VWF: variants seen among roughly 807,000 people sequenced by gnomAD.
VWF encodes the protein Factor VIII related antigen.
In VWF, 176 loss-of-function variants were observed where a neutral mutation model predicts 308.6. The observed-to-expected ratio is 0.57, with a 90% CI of 0.50 to 0.65. The LOEUF (loss-of-function observed/expected upper bound fraction) is 0.65, where lower values mean the gene tolerates loss of function less well. VWF is among the 30% of genes least tolerant of loss of function. The pLI, the probability that VWF is intolerant of heterozygous loss-of-function variation, is 0.00. For missense variants in VWF, 3,146 were observed against 3,648.2 expected (o/e 0.86, Z 3.55); for synonymous variants, 1,385 against 1,443.4 (o/e 0.96, Z 0.92).
chr12:6,096,687 T>G (rs560114152), intron 5 of VWF, among the ~76,000 whole-genome samples: 4 of 152,354 alleles, frequency 2.6e-5, no homozygotes, highest in African/African-American at 9.6e-5. Flanking sequence ...GCTTTAGTAC[T>G]TATAGTGCTC....
rs1197910298 is a variant in VWF at position 6,110,907 on chromosome 12, G to A, written c.282C>T (p.Ile94=). ...TCACGGTACCATTGACAAACAAATG[G>A]ATGTCAAAAAATTCCCCAAGATACA... is the stretch of plus-strand genomic sequence containing the variant. ...LSVYLGEFFD[I]HLFVNGTVTQ... is the part of the protein sequence containing the mutation. Residue 94 remains isoleucine (I), a synonymous_variant, in exon 4 of 52, where the codon ATC becomes ATT. Coordinates refer to ENST00000261405, the MANE Select transcript of VWF (RefSeq NM_000552.5). 6.2e-7 allele frequency: 1 copy of A among 1,614,086 alleles called. No homozygotes were observed.
chr12:5,976,001 G>A, intron 43 of VWF, 110 bp downstream of exon 43: 5 of 1,463,870 alleles, frequency 3.4e-6, no homozygotes, highest in Admixed American at 1.9e-5. Context: ...GGGCGACAGA[G>A]CGAGTCTCCA....
intron 40 of VWF, among the ~76,000 whole-genome samples, chr12:5,983,702 T>G (rs1340372127): frequency 6.6e-6 from 1 of 151,308 alleles, no homozygotes; most frequent in African/African-American, 2.4e-5. Context: ...TAGATAGAGA[T>G]AGGATAGATT....
At chr12:6,104,910 C>T (rs1303410153) in intron 5 of VWF, among the ~76,000 whole-genome samples, 1 of 152,158 alleles carries the variant, frequency 6.6e-6, no homozygotes, top group Non-Finnish European at 1.5e-5. Context: ...CAATGGAAGA[C>T]TATTTGGCCA....
intron 40 of VWF, among the ~76,000 whole-genome samples, chr12:5,984,155 CTACCT>C (rs1294982998): frequency 5.3e-5 from 8 of 152,214 alleles, no homozygotes; most frequent in African/African-American, 1.9e-4. Context: ...GGTGGGAACT[CTACCT>C]TATAGGATCA....
intron 3 of VWF, among the ~76,000 whole-genome samples, chr12:6,119,142 G>A (rs1241567968): frequency 2.0e-5 from 3 of 152,136 alleles, no homozygotes; most frequent in Admixed American, 6.5e-5. Context: ...CTGCGGAATC[G>A]ACTCAAAGTC....
Position 6,089,247 on chromosome 12 carries a change from G to GA in VWF, c.657+6212dup, listed in dbSNP as rs556524285. On this transcript the variant is annotated intron_variant, in intron 6 of 51. Transcript: ENST00000261405. Reference sequence around the variant, plus strand: ...CGAGTCATTGTGCTTCCGAGCCAGTGAAAAAACCTCGGTTGTGGGCAAACA... The same window carrying GA: ...CGAGTCATTGTGCTTCCGAGCCAGTGAAAAAAACCTCGGTTGTGGGCAAACA... Among the ~76,000 whole-genome samples, 63 of 152,314 alleles carry GA rather than the reference G, an allele frequency of 4.1e-4. No individual in the cohort carries two copies. In the South Asian group the frequency reaches 6.0e-3, roughly 15 times the overall value.
In VWF at chr12:6,029,481, A is replaced by C; in HGVS notation, c.2828T>G (p.Val943Gly). The C allele has an allele frequency of 6.2e-7, 1 of 1,614,154 alleles. No homozygotes were observed. Among genetic ancestry groups the C allele is most frequent in the Non-Finnish European group, 8.5e-7 (1 of 1,180,024 alleles). Residue 943 changes from valine (V) to glycine (G), a missense_variant, in exon 22 of 52, where the codon GTG (valine) becomes GGG (glycine). Coordinates refer to ENST00000261405, the MANE Select transcript of VWF (RefSeq NM_000552.5). ...EIELFDGEVN[V>G]KRPMKDETHF... Reference sequence around the variant, plus strand: ...AGTCTCATCCTTCATGGGCCTCTTCACATTCACCTGGAGGAAGACAAAGCA... The same window carrying C: ...AGTCTCATCCTTCATGGGCCTCTTCCCATTCACCTGGAGGAAGACAAAGCA...
intron 47 of VWF, among the ~76,000 whole-genome samples, chr12:5,954,823 G>A (rs1187593214): frequency 6.6e-6 from 1 of 152,158 alleles, no homozygotes; most frequent in Non-Finnish European, 1.5e-5. Flanking sequence ...GAATTCTAAC[G>A]AGTTGGAGGG....
chr12:6,013,561 T>G lies in VWF; in HGVS notation c.5540A>C (p.Asn1847Thr). ...TTCGATTCGCTGGAGCTTCACCACGTTGGAGTCGCCTGCTGGGCCTGCCAA... is the reference window on the plus strand; with the variant it reads ...TTCGATTCGCTGGAGCTTCACCACGGTGGAGTCGCCTGCTGGGCCTGCCAA... ...RILAGPAGDS[N>T]VVKLQRIEDL... Residue 1847 changes from asparagine (N) to threonine (T), a missense_variant, in exon 32 of 52, where the codon AAC (asparagine) becomes ACC (threonine). This residue lies in a region of VWF where 853 missense variants were observed against 1,177.8 expected (regional missense o/e 0.72). Coordinates refer to ENST00000261405, the MANE Select transcript of VWF (RefSeq NM_000552.5). 1 of 1,613,998 alleles carries G rather than the reference T, an allele frequency of 6.2e-7. No individual in the cohort carries two copies. The highest frequency in any genetic ancestry group is 8.5e-7 in the Non-Finnish European group (1 of 1,179,938).
chr12:6,084,523 G>A (rs140873059), intron 6 of VWF, among the ~76,000 whole-genome samples: 53 of 152,236 alleles, frequency 3.5e-4, no homozygotes, highest in African/African-American at 1.2e-3. Flanking sequence ...GACATCAGGC[G>A]GGTGCAGGGG....
At chr12:5,982,329 G>A (rs565549344) in intron 41 of VWF, among the ~76,000 whole-genome samples, 3 of 152,186 alleles carry the variant, frequency 2.0e-5, no homozygotes, top group Admixed American at 1.3e-4. Flanking sequence ...TCTAAGTCCA[G>A]TAGGTCTGGG....
At chr12:6,101,219 C>T (rs1352581595) in intron 5 of VWF, among the ~76,000 whole-genome samples, 1 of 151,938 alleles carries the variant, frequency 6.6e-6, no homozygotes, top group Admixed American at 6.6e-5. Context: ...GCTGATAATC[C>T]CCTTCTCCAG....
chr12:6,013,145 C>T (rs575506996), intron 32 of VWF, among the ~76,000 whole-genome samples: 17 of 152,298 alleles, frequency 1.1e-4, no homozygotes, highest in Admixed American at 7.8e-4. Flanking sequence ...ACTATACCTA[C>T]GGAACGCTGG....
chr12:6,093,780 C>G (rs567978227), intron 6 of VWF, among the ~76,000 whole-genome samples: 2 of 152,372 alleles, frequency 1.3e-5, no homozygotes, highest in South Asian at 4.1e-4. Flanking sequence ...CACCCACACA[C>G]AGAGAGGCAC....
intron 6 of VWF, among the ~76,000 whole-genome samples, chr12:6,089,314 G>A (rs1400198961): frequency 6.6e-6 from 1 of 152,180 alleles, no homozygotes; most frequent in Admixed American, 6.5e-5. Flanking sequence ...CTCTTCTCAG[G>A]TAAACAACCT....
At chr12:6,071,165 GTT>G in intron 10 of VWF, 130 bp downstream of exon 10, 2 of 1,045,488 alleles carry the variant, frequency 1.9e-6, no homozygotes, top group Non-Finnish European at 2.9e-6. Flanking sequence ...GGGTCACGTG[GTT>G]GCAGCCAACC....
chr12:6,121,236 A>G lies in VWF; in HGVS notation c.158T>C (p.Phe53Ser), dbSNP rs1479532600. 1 of 1,614,126 alleles carries G rather than the reference A, an allele frequency of 6.2e-7. No individual in the cohort carries two copies. Among genetic ancestry groups the G allele is most frequent in the Non-Finnish European group, 8.5e-7 (1 of 1,180,018 alleles). Residue 53 changes from phenylalanine (F) to serine (S), a missense_variant, in exon 3 of 52, where the codon TTT becomes TCT. Around this residue, in one of 3 missense-constraint regions of VWF, gnomAD observed 1,304 missense variants for 1,353.0 expected, o/e 0.96. Coordinates refer to ENST00000261405, the MANE Select transcript of VWF (RefSeq NM_000552.5). ...CAGGAGGTAACTGCAGTATCCCGCA[A>G]AGCTGTACATGCTCCCATCAAAGGT... ...VNTFDGSMYSFAGYCSYLLAG... is the reference protein window; with the variant it reads ...VNTFDGSMYSSAGYCSYLLAG...
At position 6,075,259 on chromosome 12, in the gene VWF, A is replaced by G; in HGVS notation, c.874+76T>C. The G allele has an allele frequency of 6.3e-7, 1 of 1,580,840 alleles. No homozygotes were observed. The highest frequency in any genetic ancestry group is 1.3e-5 in the African/African-American group (1 of 74,398). On this transcript the variant is annotated intron_variant, in intron 7 of 51. Transcript: ENST00000261405. The surrounding 1 kb of genome is among the most constrained non-coding windows in gnomAD (Gnocchi z 4.7). ...GCCGCACATACGTGACACAGCCCCG[A>G]AGCACCCTAAGGGACACCACCCAGG...
Sources: gnomAD v4.1 joint callset for allele counts (sites outside exome capture counted in the v4.1 genomes callset) on GRCh38, gnomAD v4.1.1 for gene constraint, gnomAD v4.1.1 regional missense constraint, Gnocchi (gnomAD v3.1) non-coding constraint, MANE v1.5 for transcripts, NCBI Gene and HGNC (gene_info 2026-07-23, HGNC 2026-07-21) for gene names.